PDE4B: variants seen among roughly 807,000 people sequenced by gnomAD.
PDE4B encodes the protein 3',5'-cyclic-AMP phosphodiesterase 4B.
In PDE4B, 20 loss-of-function variants were observed where a neutral mutation model predicts 82.2. The observed-to-expected ratio is 0.24, with a 90% CI of 0.17 to 0.35. The LOEUF is 0.35. Ranked by LOEUF, PDE4B falls within the 10% of genes least tolerant of loss-of-function variation. The pLI is 1.00. For synonymous variants in PDE4B, 320 were observed against 318.9 expected, an observed-to-expected ratio of 1.00 and a Z score of -0.04; for missense variants, 655 against 907.2, an observed-to-expected ratio of 0.72 and a Z score of 3.57.
At chr1:66,126,452 T>C (rs1645825896) in intron 3 of PDE4B, among the ~76,000 whole-genome samples, 2 of 152,210 alleles carry the variant, frequency 1.3e-5, no homozygotes, top group South Asian at 4.1e-4. Context: ...TGGTCCATGA[T>C]GCCATTAACT....
chr1:66,227,867 A>T (rs1651580263), intron 3 of PDE4B, among the ~76,000 whole-genome samples: 1 of 152,218 alleles, frequency 6.6e-6, no homozygotes, highest in Non-Finnish European at 1.5e-5. Context: ...TCTTCTGCTG[A>T]CTTCCTCATC....
At chr1:66,287,351 G>C (rs987486896) in intron 7 of PDE4B, among the ~76,000 whole-genome samples, 1 of 152,086 alleles carries the variant, frequency 6.6e-6, no homozygotes, top group Non-Finnish European at 1.5e-5. Flanking sequence ...CTCCCTGAGG[G>C]CAAAGTCTGT....
chr1:66,154,873 A>C (rs963872591), intron 3 of PDE4B, among the ~76,000 whole-genome samples: 2 of 152,118 alleles, frequency 1.3e-5, no homozygotes, highest in African/African-American at 2.4e-5. Context: ...AAATTTCCTC[A>C]AGTAATAGGA....
At position 65,992,921 on chromosome 1, in the gene PDE4B, T is replaced by C. The variant is rs1013107322; in HGVS notation, c.281+74086T>C. The C allele has an allele frequency of 2.5e-6, 4 of 1,613,592 alleles. No homozygotes were observed. The African/African-American group carries it at 5.3e-5, about 22-fold the overall frequency. ...CCTTACAAGACATGACAGCAAAAGA[T>C]TCTTCAAAGGAACTTACTGCTTCTG... is the stretch of plus-strand genomic sequence containing the variant. On this transcript the variant is annotated intron_variant, in intron 3 of 16. Coordinates refer to ENST00000341517, the MANE Select transcript of PDE4B (RefSeq NM_002600.4).
At chr1:66,055,219 A>G (rs1254542745) in intron 3 of PDE4B, among the ~76,000 whole-genome samples, 1 of 152,204 alleles carries the variant, frequency 6.6e-6, no homozygotes, top group African/African-American at 2.4e-5. Context: ...CAGTGTTCTT[A>G]AATTGTGGAG....
At chr1:65,885,154 C>T (rs1325034726) in intron 1 of PDE4B, among the ~76,000 whole-genome samples, 3 of 152,130 alleles carry the variant, frequency 2.0e-5, no homozygotes, top group Non-Finnish European at 2.9e-5. Context: ...ATCAAAACCA[C>T]AATGAAATAC....
intron 3 of PDE4B, among the ~76,000 whole-genome samples, chr1:66,053,310 A>G (rs146116405): frequency 1.3e-3 from 192 of 152,362 alleles, no homozygotes; most frequent in Non-Finnish European, 2.4e-3. Context: ...GCCTCAATCT[A>G]TGAAGTAAAT....
rs137876047 is a variant in PDE4B at position 66,140,009 on chromosome 1, T to C, written c.282-107451T>C. Among the ~76,000 whole-genome samples, 468 of 152,338 alleles carry C rather than the reference T, an allele frequency of 3.1e-3. 1 individual carries two copies. Among genetic ancestry groups the C allele is most frequent in the Non-Finnish European group, 5.3e-3 (359 of 68,024 alleles). On this transcript the variant is annotated intron_variant, in intron 3 of 16. Coordinates refer to ENST00000341517, the MANE Select transcript of PDE4B (RefSeq NM_002600.4). ...ACTCAACTTAAGACAGAATGCTAGCTACTGAAGCAGATTCAAAGCAATCAA... is the reference window on the plus strand; with the variant it reads ...ACTCAACTTAAGACAGAATGCTAGCCACTGAAGCAGATTCAAAGCAATCAA...
chr1:65,887,231 TTTC>T (rs555204834), intron 1 of PDE4B, among the ~76,000 whole-genome samples: 1,915 of 28,804 alleles, frequency 0.066, 74 homozygotes, highest in African/African-American at 0.15. Context: ...TCTTTCTTTC[TTTC>T]TTTCTTTCTT....
chr1:66,304,827 C>T (rs1357660774), intron 7 of PDE4B, among the ~76,000 whole-genome samples: 1 of 152,260 alleles, frequency 6.6e-6, no homozygotes, highest in East Asian at 1.9e-4. Context: ...TACTAAAATC[C>T]ACTTCCTCCA....
At chr1:66,354,643 G>A in intron 8 of PDE4B, 1 of 1,385,968 alleles carries the variant, frequency 7.2e-7, no homozygotes, top group African/African-American at 1.5e-5. Flanking sequence ...AGGGAGCATA[G>A]GCTTCTTGCA....
intron 3 of PDE4B, among the ~76,000 whole-genome samples, chr1:66,068,625 A>C (rs887486495): frequency 6.6e-6 from 1 of 151,978 alleles, no homozygotes; most frequent in South Asian, 2.1e-4. Context: ...TACACTTTGA[A>C]CAATTGCAGA....
intron 9 of PDE4B, chr1:66,360,471 A>T (rs1310316665): frequency 6.6e-6 from 1 of 152,246 alleles, no homozygotes; most frequent in South Asian, 2.1e-4. Context: ...CCAGAATGCC[A>T]TCTGGGAGCA....
At chr1:66,132,950 CTT>C (rs1645980854) in intron 3 of PDE4B, among the ~76,000 whole-genome samples, 1 of 152,132 alleles carries the variant, frequency 6.6e-6, no homozygotes, top group African/African-American at 2.4e-5. Context: ...AGTGGCATAT[CTT>C]AGAAAATGTT....
chr1:65,945,450 C>T (rs1490897188), intron 3 of PDE4B, among the ~76,000 whole-genome samples: 1 of 151,884 alleles, frequency 6.6e-6, no homozygotes, highest in Admixed American at 6.6e-5. Context: ...AAACCCAGAC[C>T]AAGAATACAC....
At chr1:66,182,210 T>G (rs912652517) in intron 3 of PDE4B, among the ~76,000 whole-genome samples, 1 of 152,164 alleles carries the variant, frequency 6.6e-6, no homozygotes, top group African/African-American at 2.4e-5. Flanking sequence ...TCGGTGTGGT[T>G]GTTGTTTGCT....
chr1:65,813,442 A>G (rs4384209), intron 1 of PDE4B, among the ~76,000 whole-genome samples: 101,939 of 150,730 alleles, frequency 0.68, 35,627 homozygotes, highest in Non-Finnish European at 0.78. Context: ...TTTTTGCCAT[A>G]TAAAATAATA....
intron 3 of PDE4B, among the ~76,000 whole-genome samples, chr1:66,027,939 C>T (rs1193681466): frequency 2.4e-4 from 37 of 152,184 alleles, no homozygotes; most frequent in Admixed American, 2.4e-3. Context: ...CTTTTCCAGG[C>T]ACATGGTGCA....
intron 1 of PDE4B, among the ~76,000 whole-genome samples, chr1:65,889,608 C>T (rs748078720): frequency 3.3e-5 from 5 of 152,080 alleles, no homozygotes; most frequent in Admixed American, 6.6e-5. Flanking sequence ...ACACATGCTG[C>T]TTCTCAAACT....
Sources: allele counts gnomAD v4.1 joint callset (sites outside exome capture counted in the v4.1 genomes callset), GRCh38; gene constraint gnomAD v4.1.1; transcripts MANE v1.5; gene names NCBI Gene and HGNC (gene_info 2026-07-23, HGNC 2026-07-21).